MTMR3: variants seen among roughly 807,000 people sequenced by gnomAD.
The protein encoded by MTMR3 is myotubularin related protein 3, also known as phosphatidylinositol-3,5-bisphosphate 3-phosphatase MTMR3.
In MTMR3, 32 loss-of-function variants were observed where a neutral mutation model predicts 132.4. The observed-to-expected ratio is 0.24, with a 90% CI of 0.18 to 0.32. The LOEUF (loss-of-function observed/expected upper bound fraction) is 0.32, where lower values mean the gene tolerates loss of function less well. Ranked by LOEUF, MTMR3 falls within the 10% of genes least tolerant of loss-of-function variation. The pLI, the probability that MTMR3 is intolerant of heterozygous loss-of-function variation, is 1.00. For synonymous variants in MTMR3, 556 were observed against 550.3 expected (o/e 1.01, Z -0.14); for missense variants, 1,216 against 1,489.6 (o/e 0.82, Z 3.02).
chr22:30,006,282 C>G (rs759704838), intron 9 of MTMR3: 1 of 152,176 alleles, frequency 6.6e-6, no homozygotes, highest in Non-Finnish European at 1.5e-5. Context: ...GAGGTTGATG[C>G]TCTTCTTCTC....
chr22:29,949,125 ACACACACACACACACACACCCCCCCCC>A lies in MTMR3; in HGVS notation c.-137-7909_-137-7883del, dbSNP rs1228635665. Among the ~76,000 whole-genome samples, 13 of 29,724 alleles carry A rather than the reference ACACACACACACACACACACCCCCCCCC, an allele frequency of 4.4e-4. 1 individual carries two copies. 19.5% of individuals were successfully genotyped at this position (29,724 alleles called of 152,430 possible). A position where few individuals can be genotyped will look rare whatever the true frequency, so the allele number is the denominator to read the frequency against. On this transcript the variant is annotated intron_variant, in intron 1 of 19. Transcript: ENST00000401950. The stretch of plus-strand genomic sequence containing the variant: ...CACACACACACACACACACACACAC[ACACACACACACACACACACCCCCCCCC>A]CCCCCCCCGAGGCCCTGTCTTAAAA...
At chr22:30,013,833 A>T in intron 14 of MTMR3, 1 of 287,362 alleles carries the variant, frequency 3.5e-6, no homozygotes, top group Non-Finnish European at 6.7e-6. Context: ...GAATGTCTGG[A>T]CCATACTCCC....
chr22:30,004,858 C>T (rs2067244322), intron 9 of MTMR3: 1 of 152,280 alleles, frequency 6.6e-6, no homozygotes, highest in Non-Finnish European at 1.5e-5. Flanking sequence ...ATTTAGTTGT[C>T]TGTAGATTGG....
At chr22:29,952,338 A>G (rs2066099184) in intron 1 of MTMR3, among the ~76,000 whole-genome samples, 1 of 151,834 alleles carries the variant, frequency 6.6e-6, no homozygotes, top group Non-Finnish European at 1.5e-5. Flanking sequence ...TGCATCTGGA[A>G]CCCTGAAAAC....
chr22:29,988,435 C>A, intron 5 of MTMR3, 45 bp from the exon 6 acceptor site: 1 of 1,443,100 alleles, frequency 6.9e-7, no homozygotes, highest in South Asian at 1.2e-5. Context: ...ACTCCAGGGT[C>A]AATGCCTTTT....
intron 18 of MTMR3, 87 bp downstream of exon 18, chr22:30,022,226 C>A: frequency 1.9e-6 from 2 of 1,061,168 alleles, no homozygotes; most frequent in Non-Finnish European, 1.4e-6. Context: ...ATACCCCTGG[C>A]CAAGGAAGCA....
intron 2 of MTMR3, among the ~76,000 whole-genome samples, chr22:29,967,235 A>G (rs1314459348): frequency 4.9e-4 from 30 of 61,396 alleles, no homozygotes; most frequent in South Asian, 1.6e-3. Flanking sequence ...GTGTGTGTGC[A>G]TGCGCGCGCG....
At chr22:29,937,587 T>C (rs1184680276) in intron 1 of MTMR3, among the ~76,000 whole-genome samples, 3 of 152,120 alleles carry the variant, frequency 2.0e-5, no homozygotes, top group Non-Finnish European at 4.4e-5. Flanking sequence ...ACCCAAACTT[T>C]ATTTGTTTTA....
At chr22:29,977,433 G>A (rs952792785) in intron 3 of MTMR3, among the ~76,000 whole-genome samples, 3 of 152,144 alleles carry the variant, frequency 2.0e-5, no homozygotes, top group Non-Finnish European at 4.4e-5. Context: ...TAATTTACAT[G>A]TCATCTAGAT....
chr22:29,886,075 C>T (rs1012953531), intron 1 of MTMR3, among the ~76,000 whole-genome samples: 2 of 152,118 alleles, frequency 1.3e-5, no homozygotes, highest in Admixed American at 6.5e-5. Context: ...CGCAGTTATC[C>T]GCATATTCTG....
intron 7 of MTMR3, chr22:29,995,344 G>A (rs2067041178): frequency 6.6e-6 from 1 of 152,130 alleles, no homozygotes; most frequent in South Asian, 2.1e-4. Flanking sequence ...CTCTGGTATT[G>A]GTCTGCTTCC....
intron 2 of MTMR3, among the ~76,000 whole-genome samples, chr22:29,964,207 A>G (rs780479248): frequency 1.3e-5 from 2 of 152,182 alleles, no homozygotes; most frequent in Non-Finnish European, 2.9e-5. Context: ...GTAATGACTC[A>G]ATTTCTTCCT....
intron 1 of MTMR3, among the ~76,000 whole-genome samples, chr22:29,943,062 T>G (rs2065887991): frequency 6.6e-6 from 1 of 152,220 alleles, no homozygotes; most frequent in Non-Finnish European, 1.5e-5. Context: ...GTGTAAGAAA[T>G]TATAAAAGTA....
Position 30,028,186 on chromosome 22 carries a change from A to G in MTMR3, c.*2385A>G, listed in dbSNP as rs989160063. 2 of 152,436 alleles carry G rather than the reference A, an allele frequency of 1.3e-5. No homozygotes were observed. The highest frequency in any genetic ancestry group is 4.1e-4 in the South Asian group (2 of 4,830). 9.4% of individuals were successfully genotyped at this position (152,436 alleles called of 1,614,324 possible). A position where few individuals can be genotyped will look rare whatever the true frequency, so the allele number is the denominator to read the frequency against. ...CAACTACCTCTCGCCTCAAGGCTCC[A>G]TTTTTAGCTGCTGCTCTGATTTCAG... On this transcript the variant is annotated 3_prime_UTR_variant, in exon 20 of 20. Transcript: ENST00000401950.
At chr22:29,923,405 A>G (rs36580) in intron 1 of MTMR3, among the ~76,000 whole-genome samples, 119,286 of 151,244 alleles carry the variant, frequency 0.79, 47,516 homozygotes, top group East Asian at 0.92. Flanking sequence ...GGGTTTTGCC[A>G]TGTTTCCCAG....
intron 14 of MTMR3, 127 bp downstream of exon 14, chr22:30,013,668 T>C: frequency 1.1e-6 from 1 of 947,048 alleles, no homozygotes; most frequent in Admixed American, 3.0e-5. Flanking sequence ...TTTTCCTGTT[T>C]CTGCTTTTTT....
In MTMR3 at chr22:29,991,633, C is replaced by T; in HGVS notation, c.423C>T (p.Ala141=). The change falls in exon 7 of 20, where the codon GCC becomes GCT. Residue 141 remains alanine, a synonymous_variant. Coordinates refer to ENST00000401950, the MANE Select transcript of MTMR3 (RefSeq NM_021090.4). Reference sequence around the variant, plus strand: ...ATGCTTGGTGCATGGAGGTCTATGCCAGTGAAAAAGAGCAACATGGAGACC... The same window carrying T: ...ATGCTTGGTGCATGGAGGTCTATGCTAGTGAAAAAGAGCAACATGGAGACC... ...AYHAWCMEVY[A]SEKEQHGDLC... The T allele has an allele frequency of 1.2e-6, 2 of 1,612,842 alleles. No homozygotes were observed. The highest frequency in any genetic ancestry group is 1.7e-6 in the Non-Finnish European group (2 of 1,179,594).
At chr22:29,937,542 G>A (rs188653715) in intron 1 of MTMR3, among the ~76,000 whole-genome samples, 212 of 151,854 alleles carry the variant, frequency 1.4e-3, no homozygotes, top group Admixed American at 3.1e-3. Flanking sequence ...TCAGCCTCCC[G>A]AGTAGCGGGG....
chr22:29,928,085 C>T (rs920908557), intron 1 of MTMR3, among the ~76,000 whole-genome samples: 7 of 151,376 alleles, frequency 4.6e-5, no homozygotes, highest in Non-Finnish European at 7.4e-5. Context: ...GGACTACAGG[C>T]GCAAACCACC....
Sources: allele counts gnomAD v4.1 joint callset (sites outside exome capture counted in the v4.1 genomes callset), GRCh38; gene constraint gnomAD v4.1.1; transcripts MANE v1.5; gene names NCBI Gene and HGNC (gene_info 2026-07-23, HGNC 2026-07-21).